The following GOLGA8M variants were observed in gnomAD, a reference collection of about 807,000 sequenced individuals.
GOLGA8M encodes golgin A8 family member M.
In GOLGA8M, 34 loss-of-function variants were observed where a neutral mutation model predicts 87.7. That is an observed-to-expected ratio of 0.39 (90% CI 0.29 to 0.52). The LOEUF (loss-of-function observed/expected upper bound fraction) is 0.52. Ranked by LOEUF, GOLGA8M falls within the 20% of genes least tolerant of loss-of-function variation. The probability of loss-of-function intolerance (pLI) is 0.80; values close to 1 mark genes in which losing one functional copy is unlikely to be tolerated. For synonymous variants in GOLGA8M, 138 were observed against 250.2 expected, an observed-to-expected ratio of 0.55 and a Z score of 4.23; for missense variants, 396 against 682.2, an observed-to-expected ratio of 0.58 and a Z score of 4.67.
rs1231534913 is a variant in GOLGA8M at position 28,702,642 on chromosome 15, C to T, written c.1469+3G>A. The T allele has an allele frequency of 3.7e-6, 6 of 1,609,964 alleles. No homozygotes were observed. In the South Asian group the frequency reaches 6.6e-5, roughly 18 times the overall value. On this transcript the variant is annotated splice_donor_region_variant and intron_variant, in intron 16 of 18. Coordinates refer to ENST00000563027, the MANE Select transcript of GOLGA8M (RefSeq NM_001282468.3). ...CCCTGCCGTGCCCTGGCCTCCCACTCACTGATGGCATCTCTCTTGCCAGTA... is the reference window on the plus strand; with the variant it reads ...CCCTGCCGTGCCCTGGCCTCCCACTTACTGATGGCATCTCTCTTGCCAGTA...
rs1433709819 is a variant in GOLGA8M at position 28,705,221 on chromosome 15, C to T, written c.1138G>A (p.Glu380Lys). 5 of 1,597,560 alleles carry T rather than the reference C, an allele frequency of 3.1e-6. No individual in the cohort carries two copies. The highest frequency in any genetic ancestry group is 1.1e-5 in the South Asian group (1 of 90,986). The change falls in exon 13 of 19, where the codon GAG (glutamate) becomes AAG (lysine). Residue 380 changes from glutamate to lysine, a missense_variant. Glu to Lys is a moderately conservative substitution (Grantham distance 56). Around this residue, in one of 12 missense-constraint regions of GOLGA8M, gnomAD observed 44 missense variants for 46.7 expected, o/e 0.94. Transcript: ENST00000563027. ...PQSVFEEPNNENKSTLQLEQQ... is the reference protein window; with the variant it reads ...PQSVFEEPNNKNKSTLQLEQQ... ...TCCAACTGCAGTGTGCTCTTGTTCT[C>T]ATTGTTCTGGACAGAGAGAAGCAAT...
intron 4 of GOLGA8M, among the ~76,000 whole-genome samples, chr15:28,708,627 A>C (rs1456208221): frequency 6.7e-6 from 1 of 148,604 alleles, no homozygotes; most frequent in South Asian, 2.2e-4. Flanking sequence ...TCAAAGTCTG[A>C]ATCTGGAATC....
rs951771894 is a variant in GOLGA8M, at chr15:28,701,164, A to G, written c.*790T>C. Among the ~76,000 whole-genome samples the G allele has an allele frequency of 1.1e-4, 17 of 152,192 alleles. No individual in the cohort carries two copies. Among genetic ancestry groups the G allele is most frequent in the Admixed American group, 6.5e-4 (10 of 15,274 alleles). On this transcript the variant is annotated 3_prime_UTR_variant, in exon 19 of 19. Transcript: ENST00000563027. The stretch of plus-strand genomic sequence containing the variant: ...TTTTTAGGTCATCGAAAAAGAGTAC[A>G]ACTGCTGCAGCTCATGATGCAGTAT...
Position 28,701,115 on chromosome 15 carries a change from C to T in GOLGA8M, c.*839G>A, listed in dbSNP as rs547195871. ...CACATCCACAGTCAACGATGGGAAC[C>T]TTTCATTCCTCAGAAATAAGCCCTT... On this transcript the variant is annotated 3_prime_UTR_variant, in exon 19 of 19. Transcript: ENST00000563027. Among the ~76,000 whole-genome samples the T allele has an allele frequency of 0.011, 1,738 of 152,080 alleles. 37 individuals are homozygous for T. Among genetic ancestry groups the T allele is most frequent in the African/African-American group, 0.04 (1,645 of 41,430 alleles).
At position 28,707,741 on chromosome 15, in the gene GOLGA8M, G is replaced by T. The variant is rs1169178143; in HGVS notation, c.591+7C>A. The T allele has an allele frequency of 1.4e-5, 22 of 1,543,266 alleles. No homozygotes were observed. Among genetic ancestry groups the T allele is most frequent in the Non-Finnish European group, 1.9e-5 (22 of 1,151,354 alleles). ...TCCCAGGGGATGGGGCAGGTGGTTG[G>T]ACTCACCTGGTTTGCCTTCTTCTTC... On this transcript the variant is annotated splice_region_variant and intron_variant, in intron 8 of 18. Coordinates refer to ENST00000563027, the MANE Select transcript of GOLGA8M (RefSeq NM_001282468.3).
chr15:28,702,130 C>G lies in GOLGA8M; in HGVS notation c.1724-1G>C. 1 of 1,580,496 alleles carries G rather than the reference C, an allele frequency of 6.3e-7. No individual in the cohort carries two copies. Among genetic ancestry groups the G allele is most frequent in the Admixed American group, 1.8e-5 (1 of 57,046 alleles). ...GAGGTGAGGCTCACCTCACAAAGAT[C>G]TTTGGAGAGAGGGAGGCAGGGATCT... On this transcript the variant is annotated splice_acceptor_variant, in intron 18 of 18. Coordinates refer to ENST00000563027, the MANE Select transcript of GOLGA8M (RefSeq NM_001282468.3). LOFTEE classifies it high-confidence loss of function.
At position 28,702,336 on chromosome 15, in the gene GOLGA8M, G is replaced by A. The variant is rs764685162; in HGVS notation, c.1601C>T (p.Ala534Val). 8.6e-5 allele frequency: 132 copies of A among 1,529,106 alleles called. 1 individual carries two copies. The highest frequency in any genetic ancestry group is 7.6e-4 in the South Asian group (64 of 83,824). 94.7% of individuals were successfully genotyped at this position (1,529,106 alleles called of 1,614,324 possible). A position where few individuals can be genotyped will look rare whatever the true frequency, so the allele number is the denominator to read the frequency against. ...CCCATTGTTGTAGTTGCTGTAAGCC[G>A]CAATACCATCTGCTGCAGCTCCAGC... ...EAAGAAADGI[A>V]AYSNYNNGHR... The change falls in exon 18 of 19, where the codon GCG (alanine) becomes GTG (valine). Residue 534 changes from alanine (A) to valine (V), a missense_variant. Coordinates refer to ENST00000563027, the MANE Select transcript of GOLGA8M (RefSeq NM_001282468.3).
At chr15:28,711,672 G>A (rs2080199317) in intron 1 of GOLGA8M, 3 of 984,398 alleles carry the variant, frequency 3.0e-6, no homozygotes, top group Non-Finnish European at 3.6e-6. Context: ...TAAGATCAAA[G>A]GCCAGTCTTG....
intron 4 of GOLGA8M, among the ~76,000 whole-genome samples, chr15:28,708,796 G>C (rs1260714696): frequency 6.6e-6 from 1 of 151,914 alleles, no homozygotes; most frequent in Non-Finnish European, 1.5e-5. Context: ...GGATGGAAAA[G>C]GACAGACAGG....
At position 28,702,250 on chromosome 15, in the gene GOLGA8M, C is replaced by T. The variant is rs563093691; in HGVS notation, c.1687G>A (p.Ala563Thr). 2.2e-5 allele frequency: 34 copies of T among 1,579,124 alleles called. No homozygotes were observed. The highest frequency in any genetic ancestry group is 2.5e-5 in the Non-Finnish European group (29 of 1,171,800). Residue 563 changes from alanine (A) to threonine (T), a missense_variant, in exon 18 of 19, where the codon GCT becomes ACT. Coordinates refer to ENST00000563027, the MANE Select transcript of GOLGA8M (RefSeq NM_001282468.3). ...SADEPGPGAP[A>T]PQELGAADKH... ...TCTGCAGCCCCAAGCTCCTGGGGAG[C>T]TGGGGCTCCTGGACCGGGCTCATCA... is the stretch of plus-strand genomic sequence containing the variant.
chr15:28,704,163 G>C (rs979329562), intron 13 of GOLGA8M, among the ~76,000 whole-genome samples: 2 of 148,464 alleles, frequency 1.3e-5, no homozygotes, highest in African/African-American at 2.5e-5. Context: ...CTGCTGATAG[G>C]TGGCCACGGA....
chr15:28,705,296 C>T, intron 12 of GOLGA8M, 69 bp from the exon 13 acceptor site: 1 of 1,513,908 alleles, frequency 6.6e-7, no homozygotes, highest in East Asian at 2.3e-5. Context: ...TGTCTGCCTC[C>T]CATGGCACTG....
In GOLGA8M at chr15:28,703,937, T is replaced by A; in HGVS notation, c.1201-20A>T. 6.3e-7 allele frequency: 1 copy of A among 1,591,150 alleles called. No homozygotes were observed. Among genetic ancestry groups the A allele is most frequent in the South Asian group, 1.1e-5 (1 of 90,208 alleles). ...GTGCTCCTAAGGGGCCAGGAAAGAG[T>A]GAGAAGGGATGGAGTTTGCCAGGTC... On this transcript the variant is annotated intron_variant, in intron 13 of 18. Transcript: ENST00000563027.
intron 13 of GOLGA8M, 120 bp downstream of exon 13, chr15:28,705,039 T>C: frequency 6.7e-7 from 1 of 1,491,964 alleles, no homozygotes; most frequent in Non-Finnish European, 9.0e-7. Context: ...CCCTGGGGGG[T>C]GCTGTGGTCA....
chr15:28,706,709 A>T lies in GOLGA8M; in HGVS notation c.592-10T>A. The T allele has an allele frequency of 7.0e-7, 1 of 1,436,432 alleles. No homozygotes were observed. Among genetic ancestry groups the T allele is most frequent in the South Asian group, 1.2e-5 (1 of 83,816 alleles). The allele number at this position is 1,436,432 out of a possible 1,614,324, so 89.0% of individuals were successfully genotyped here. A position where few individuals can be genotyped will look rare whatever the true frequency, so the allele number is the denominator to read the frequency against. On this transcript the variant is annotated splice_polypyrimidine_tract_variant and intron_variant, in intron 8 of 18. Transcript: ENST00000563027. ...TACTGGGGCTGGACAACTGGATGGC[A>T]AAGAGTGAGAAGTTTCAATCTGGAG... is the stretch of plus-strand genomic sequence containing the variant.
chr15:28,703,725 A>C (rs376714624), intron 14 of GOLGA8M, 117 bp downstream of exon 14: 5 of 902,930 alleles, frequency 5.5e-6, no homozygotes, highest in South Asian at 3.4e-5. Flanking sequence ...GCAGGCACCC[A>C]GTCGGCATAA....
rs1389545858 is a variant in GOLGA8M, at chr15:28,701,563, T to G, written c.*391A>C. Among the ~76,000 whole-genome samples, 21 of 151,208 alleles carry G rather than the reference T, an allele frequency of 1.4e-4. No homozygotes were observed. The highest frequency in any genetic ancestry group is 3.3e-4 in the Admixed American group (5 of 15,162). On this transcript the variant is annotated 3_prime_UTR_variant, in exon 19 of 19. Transcript: ENST00000563027. Reference sequence around the variant, plus strand: ...GAACATAGGCAAATTTTGTCTGAATTCTGTAGTGAATATACATGCTGCAAT... The same window carrying G: ...GAACATAGGCAAATTTTGTCTGAATGCTGTAGTGAATATACATGCTGCAAT...
At chr15:28,703,728 C>A in intron 14 of GOLGA8M, 114 bp downstream of exon 14, 5 of 1,080,840 alleles carry the variant, frequency 4.6e-6, no homozygotes, top group Non-Finnish European at 5.1e-6. Context: ...GGCACCCAGT[C>A]GGCATAATGA....
chr15:28,705,454 G>A, intron 12 of GOLGA8M, 29 bp downstream of exon 12: 1 of 1,542,998 alleles, frequency 6.5e-7, no homozygotes, highest in South Asian at 1.2e-5. Context: ...CTAGGGAGGA[G>A]GGCAAGCTCC....
Sources: allele counts gnomAD v4.1 joint callset (sites outside exome capture counted in the v4.1 genomes callset), GRCh38; gene constraint gnomAD v4.1.1; regional missense constraint gnomAD v4.1.1; transcripts MANE v1.5; gene names NCBI Gene and HGNC (gene_info 2026-07-23, HGNC 2026-07-21).